The following LPIN1 variants were observed in gnomAD, a reference collection of about 807,000 sequenced individuals.
The protein encoded by LPIN1 is phosphatidate phosphatase LPIN1.
In LPIN1, 71 loss-of-function variants were observed where a neutral mutation model predicts 107.5. The ratio of observed to expected loss-of-function variants is 0.66; its 90% CI spans 0.55 to 0.80. The LOEUF (loss-of-function observed/expected upper bound fraction) is 0.80. Ranked by LOEUF, LPIN1 falls within the 30% of genes least tolerant of loss-of-function variation. The probability of loss-of-function intolerance (pLI) is 0.00; values close to 1 mark genes in which losing one functional copy is unlikely to be tolerated. For synonymous variants in LPIN1, 445 were observed against 452.6 expected, an observed-to-expected ratio of 0.98 and a Z score of 0.21; for missense variants, 1,043 against 1,160.6, an observed-to-expected ratio of 0.90 and a Z score of 1.47.
rs141864002 is a variant in LPIN1 at position 11,752,363 on chromosome 2, A to G, written c.-10+5692A>G. 9.6e-4 allele frequency among the ~76,000 whole-genome samples: 144 copies of G among 150,422 alleles called. No homozygotes were observed. In the East Asian group the frequency reaches 0.027, roughly 28 times the overall value. ...ATGAATGGGGTTGAATATCTCTCTC[A>G]TATATTATTGGCCAAATGTGAACTG... On this transcript the variant is annotated intron_variant, in intron 1 of 20. Transcript: ENST00000674199.
upstream of LPIN1, among the ~76,000 whole-genome samples, chr2:11,742,925 G>A (rs780008508): frequency 7.9e-5 from 12 of 152,226 alleles, no homozygotes; most frequent in Non-Finnish European, 1.5e-4. Context: ...TGGCTGGCCC[G>A]TGGTTCATTC....
chr2:11,773,529 G>A, intron 4 of LPIN1, 91 bp from the exon 5 acceptor site: 1 of 1,095,756 alleles, frequency 9.1e-7, no homozygotes, highest in East Asian at 2.4e-5. Context: ...TAATTACAAA[G>A]CACTTAGAGC....
chr2:11,737,782 TTGG>T (rs1373301158), intron 1 of LPIN1, among the ~76,000 whole-genome samples: 3 of 152,214 alleles, frequency 2.0e-5, no homozygotes, highest in African/African-American at 7.2e-5. Flanking sequence ...TTTTACACTG[TTGG>T]TGGGTGTGTA....
At chr2:11,793,173 C>T (rs1461332196) in intron 13 of LPIN1, among the ~76,000 whole-genome samples, 1 of 152,112 alleles carries the variant, frequency 6.6e-6, no homozygotes, top group Non-Finnish European at 1.5e-5. Flanking sequence ...TCATTGGGGC[C>T]ATAGTCAGAA....
chr2:11,761,127 G>GA (rs1408919495), intron 1 of LPIN1, among the ~76,000 whole-genome samples: 12 of 152,246 alleles, frequency 7.9e-5, no homozygotes, highest in Admixed American at 2.0e-4. Flanking sequence ...GTATATGAAA[G>GA]AAATTGTACA....
intron 2 of LPIN1, among the ~76,000 whole-genome samples, chr2:11,715,897 G>A (rs557592532): frequency 2.7e-4 from 41 of 152,116 alleles, no homozygotes; most frequent in Non-Finnish European, 5.3e-4. Context: ...ATGGTATACA[G>A]GGGGCCGGGG....
chr2:11,784,056 G>A, intron 9 of LPIN1, 134 bp downstream of exon 9: 3 of 1,469,204 alleles, frequency 2.0e-6, no homozygotes, highest in East Asian at 2.5e-5. Context: ...TGTAATCCCA[G>A]CACTTTGGGA....
rs1682486880 is a variant in LPIN1, at chr2:11,827,373, T to A, written c.*2582T>A. ...TACTGGATGCAAAGCTAGAAAATATTGCAATAAATGAGACCGATGAAAGAC... is the reference window on the plus strand; with the variant it reads ...TACTGGATGCAAAGCTAGAAAATATAGCAATAAATGAGACCGATGAAAGAC... On this transcript the variant is annotated 3_prime_UTR_variant, in exon 21 of 21. Transcript: ENST00000674199. This position sits in a 1 kb window ranked among gnomAD's most constrained non-coding sequence, Gnocchi z 4.1. 1 of 152,218 alleles carries A rather than the reference T, an allele frequency of 6.6e-6. No homozygotes were observed. The allele number at this position is 152,218 out of a possible 1,614,324, so 9.4% of individuals were successfully genotyped here. A position where few individuals can be genotyped will look rare whatever the true frequency, so the allele number is the denominator to read the frequency against.
chr2:11,810,524 C>T (rs1679475214), intron 17 of LPIN1, among the ~76,000 whole-genome samples: 2 of 152,198 alleles, frequency 1.3e-5, no homozygotes, highest in Admixed American at 1.3e-4. Context: ...AGGCAACTCA[C>T]CAAGCCTGAG....
At chr2:11,725,238 G>A (rs1331771885) in intron 1 of LPIN1, among the ~76,000 whole-genome samples, 1 of 152,096 alleles carries the variant, frequency 6.6e-6, no homozygotes, top group Non-Finnish European at 1.5e-5. Flanking sequence ...TCCAGCCTGG[G>A]GGACAGAGCG....
In LPIN1 at chr2:11,725,008, A is replaced by AT. The variant is rs200130784; in HGVS notation, c.-72+469_-72+470insT. 1.8e-3 allele frequency among the ~76,000 whole-genome samples: 278 copies of AT among 152,232 alleles called. 2 individuals are homozygous for AT. The highest frequency in any genetic ancestry group is 3.5e-3 in the East Asian group (18 of 5,174). On this transcript the variant is annotated intron_variant, in intron 1 of 21. Coordinates refer to the LPIN1 transcript ENST00000396097. ...CCGGGCGCGGTGGCTCACACCTGTA[A>AT]CCCAGCACTTAGGGAGGCCGAGGCG...
intron 1 of LPIN1, chr2:11,682,807 C>A (rs963397427): frequency 6.6e-6 from 1 of 152,242 alleles, no homozygotes; most frequent in Non-Finnish European, 1.5e-5. Context: ...AGACCCTTCG[C>A]ATGGGAACGC....
rs1437560317 is a variant in LPIN1, at chr2:11,771,860, G to A, written c.596+181G>A. 6.6e-6 allele frequency among the ~76,000 whole-genome samples: 1 copy of A among 152,172 alleles called. No individual in the cohort carries two copies. Among genetic ancestry groups the A allele is most frequent in the African/African-American group, 2.4e-5 (1 of 41,442 alleles). On this transcript the variant is annotated intron_variant, in intron 4 of 20. Transcript: ENST00000674199. This position sits in a 1 kb window ranked among gnomAD's most constrained non-coding sequence, Gnocchi z 4.8. ...AAGACAGTGTTTCCATGGACCAGGG[G>A]TGGATGGTTTTAGGAGGACTCAAGC...
intron 1 of LPIN1, among the ~76,000 whole-genome samples, chr2:11,684,054 C>T (rs975987631): frequency 9.9e-5 from 15 of 152,240 alleles, no homozygotes; most frequent in African/African-American, 3.4e-4. Flanking sequence ...GCAAAGTATC[C>T]ATTTAGTGAA....
intron 1 of LPIN1, among the ~76,000 whole-genome samples, chr2:11,694,374 C>T (rs763868102): frequency 5.3e-5 from 8 of 152,174 alleles, no homozygotes; most frequent in African/African-American, 9.7e-5. Context: ...TTCTAGTCTC[C>T]ATGATGTCCT....
intron 12 of LPIN1, among the ~76,000 whole-genome samples, chr2:11,791,523 T>A (rs1003461018): frequency 6.6e-6 from 1 of 152,238 alleles, no homozygotes; most frequent in Non-Finnish European, 1.5e-5. Context: ...CCCATATTAA[T>A]CATTTCATAT....
At chr2:11,758,251 C>G (rs889348135) in intron 1 of LPIN1, among the ~76,000 whole-genome samples, 4 of 150,968 alleles carry the variant, frequency 2.6e-5, no homozygotes, top group Non-Finnish European at 5.9e-5. Context: ...CTTTTCGAGA[C>G]CTGCTTTCAG....
At chr2:11,802,546 G>C (rs1677937721) in intron 14 of LPIN1, among the ~76,000 whole-genome samples, 1 of 152,170 alleles carries the variant, frequency 6.6e-6, no homozygotes, top group South Asian at 2.1e-4. Context: ...CCTAGCGCTT[G>C]GCATGCAGTC....
intron 3 of LPIN1, among the ~76,000 whole-genome samples, chr2:11,768,194 T>C (rs956887920): frequency 2.0e-5 from 3 of 152,224 alleles, no homozygotes; most frequent in Non-Finnish European, 2.9e-5. Flanking sequence ...TGTTCTTTTA[T>C]TTAGTGAGTG....
Sources: gnomAD v4.1 joint callset for allele counts (sites outside exome capture counted in the v4.1 genomes callset) on GRCh38, gnomAD v4.1.1 for gene constraint, Gnocchi (gnomAD v3.1) non-coding constraint, MANE v1.5 for transcripts, NCBI Gene and HGNC (gene_info 2026-07-23, HGNC 2026-07-21) for gene names.